Variants in BCL7C observed in about 807,000 individuals in gnomAD.
BCL7C encodes BAF chromatin remodeling complex subunit BCL7C, also known as B-cell CLL/lymphoma 7 protein family member C.
Under a neutral mutation model 26.2 loss-of-function variants are expected in BCL7C, and 8 were observed. That is an observed-to-expected ratio of 0.30 (90% CI 0.18 to 0.55). The LOEUF is 0.55. Ranked by LOEUF, BCL7C falls within the 20% of genes least tolerant of loss-of-function variation. BCL7C has a pLI of 0.93. For missense variants in BCL7C, 262 were observed against 298.5 expected, an observed-to-expected ratio of 0.88 and a Z score of 0.90; for synonymous variants, 90 against 116.5, an observed-to-expected ratio of 0.77 and a Z score of 1.47.
downstream of BCL7C, chr16:30,887,774 G>A: frequency 1.3e-6 from 2 of 1,493,826 alleles, no homozygotes; most frequent in African/African-American, 1.4e-5. Context: ...AGCCCTGACG[G>A]GGAAATGACA....
rs2054662184 is a variant in BCL7C at position 30,850,015 on chromosome 16, C to T, written c.529-14867G>A. 2.0e-5 allele frequency among the ~76,000 whole-genome samples: 3 copies of T among 151,776 alleles called. No individual in the cohort carries two copies. The South Asian group carries it at 6.2e-4, about 32-fold the overall frequency. On this transcript the variant is annotated intron_variant, in intron 5 of 5. Coordinates refer to the BCL7C transcript ENST00000380317. ...ACAAGGTCAGGAGATCAAGACCATC[C>T]TGGCTAACACAGTGAAACCCCATCT...
intron 5 of BCL7C, among the ~76,000 whole-genome samples, chr16:30,848,824 A>G (rs1300806653): frequency 6.6e-6 from 1 of 151,272 alleles, no homozygotes; most frequent in African/African-American, 2.4e-5. Context: ...AACCCAAGGC[A>G]GAGGTTGCAG....
chr16:30,873,974 C>CACACACACAG (rs1319629522), intron 5 of BCL7C, among the ~76,000 whole-genome samples: 3 of 148,090 alleles, frequency 2.0e-5, no homozygotes, highest in Non-Finnish European at 4.5e-5. Flanking sequence ...CACACACACA[C>CACACACACAG]AGAGGAAGGT....
At chr16:30,877,922 C>T (rs2054975243) in intron 5 of BCL7C, among the ~76,000 whole-genome samples, 1 of 151,550 alleles carries the variant, frequency 6.6e-6, no homozygotes, top group South Asian at 2.1e-4. Context: ...TGCCTGTAAT[C>T]TCAGCACTTT....
At chr16:30,860,724 T>G (rs1435530197) in intron 5 of BCL7C, among the ~76,000 whole-genome samples, 1 of 152,180 alleles carries the variant, frequency 6.6e-6, no homozygotes, top group Non-Finnish European at 1.5e-5. Context: ...CCCTAGTCTC[T>G]GCTCCCAATG....
chr16:30,885,679 T>C (rs1303717248), downstream of BCL7C, among the ~76,000 whole-genome samples: 2 of 151,978 alleles, frequency 1.3e-5, no homozygotes, highest in Non-Finnish European at 2.9e-5. Flanking sequence ...GCTGGGATTA[T>C]AGGCATGAGC....
chr16:30,863,550 T>A (rs1436716962), intron 5 of BCL7C, among the ~76,000 whole-genome samples: 2 of 152,172 alleles, frequency 1.3e-5, no homozygotes, highest in African/African-American at 4.8e-5. Context: ...AGGTGTCAGA[T>A]CCCATTGCTC....
intron 5 of BCL7C, among the ~76,000 whole-genome samples, chr16:30,877,656 G>T (rs940150334): frequency 1.4e-5 from 2 of 147,654 alleles, no homozygotes; most frequent in African/African-American, 5.0e-5. Flanking sequence ...AGCCAGGATG[G>T]TCTCGATCTC....
chr16:30,877,144 G>GC (rs2054962013), intron 5 of BCL7C, among the ~76,000 whole-genome samples: 1 of 152,108 alleles, frequency 6.6e-6, no homozygotes, highest in Admixed American at 6.5e-5. Context: ...CAGAGACTCC[G>GC]CCCCCAGGGC....
chr16:30,848,142 T>C (rs1277743198), intron 5 of BCL7C, among the ~76,000 whole-genome samples: 1 of 152,122 alleles, frequency 6.6e-6, no homozygotes, highest in Non-Finnish European at 1.5e-5. Flanking sequence ...TATTAAGTGG[T>C]TAGTGAAATG....
intron 4 of BCL7C, 51 bp from the exon 5 acceptor site, chr16:30,888,996 A>G: frequency 6.5e-7 from 1 of 1,535,264 alleles, no homozygotes; most frequent in South Asian, 1.1e-5. Context: ...CTGTGCCAGC[A>G]GCACAGACAG....
At chr16:30,860,565 C>T (rs1432458250) in intron 5 of BCL7C, among the ~76,000 whole-genome samples, 4 of 152,294 alleles carry the variant, frequency 2.6e-5, no homozygotes, top group East Asian at 1.9e-4. Flanking sequence ...ACAGCTTGAC[C>T]CCAATACAAA....
chr16:30,888,992 C>T (rs764253898), intron 4 of BCL7C, 47 bp from the exon 5 acceptor site: 1 of 1,547,696 alleles, frequency 6.5e-7, no homozygotes, highest in African/African-American at 1.4e-5. Context: ...CACTCTGTGC[C>T]AGCAGCACAG....
At chr16:30,846,448 C>T (rs2054636309) in intron 5 of BCL7C, among the ~76,000 whole-genome samples, 2 of 151,850 alleles carry the variant, frequency 1.3e-5, no homozygotes, top group African/African-American at 2.4e-5. Context: ...AGGATGGTCT[C>T]GATCTCCTGA....
At chr16:30,851,245 ATTTT>A in intron 5 of BCL7C, 6 of 235,570 alleles carry the variant, frequency 2.5e-5, no homozygotes, top group South Asian at 5.2e-5. Context: ...TTCGTTCAAC[ATTTT>A]TTTTTTTTTG....
At chr16:30,840,002 CA>C (rs1398362508) in intron 5 of BCL7C, among the ~76,000 whole-genome samples, 1 of 152,128 alleles carries the variant, frequency 6.6e-6, no homozygotes, top group Non-Finnish European at 1.5e-5. Flanking sequence ...ACATTTTCCC[CA>C]CTCCTGATGT....
intron 5 of BCL7C, among the ~76,000 whole-genome samples, chr16:30,839,360 A>C (rs1358598427): frequency 6.6e-6 from 1 of 152,210 alleles, no homozygotes; most frequent in East Asian, 1.9e-4. Context: ...CTGGTGTGAC[A>C]GACAGGATTC....
At chr16:30,873,228 GGAGTTGA>G (rs1179017321) in intron 5 of BCL7C, among the ~76,000 whole-genome samples, 1 of 67,186 alleles carries the variant, frequency 1.5e-5, no homozygotes, top group Non-Finnish European at 3.2e-5. Flanking sequence ...CTGAGCTCAA[GGAGTTGA>G]TTTTGTTAAA....
chr16:30,886,305 GC>G (rs2055132514), downstream of BCL7C, among the ~76,000 whole-genome samples: 1 of 152,146 alleles, frequency 6.6e-6, no homozygotes, highest in Non-Finnish European at 1.5e-5. Flanking sequence ...GGCAGATGAG[GC>G]CTAGTTATTG....
Sources: gnomAD v4.1 joint callset for allele counts (sites outside exome capture counted in the v4.1 genomes callset) on GRCh38, gnomAD v4.1.1 for gene constraint, MANE v1.5 for transcripts, NCBI Gene and HGNC (gene_info 2026-07-23, HGNC 2026-07-21) for gene names.